Variants in SLC5A4 observed in about 807,000 individuals in gnomAD.
SLC5A4 encodes the protein solute carrier family 5 member 4.
In SLC5A4, 55 loss-of-function variants were observed where a neutral mutation model predicts 70.3. The ratio of observed to expected loss-of-function variants is 0.78; its 90% CI spans 0.63 to 0.98. SLC5A4 has a LOEUF of 0.98. SLC5A4 is among the 50% of genes least tolerant of loss of function. SLC5A4 has a pLI of 0.00. For missense variants in SLC5A4, 735 were observed against 839.2 expected, an observed-to-expected ratio of 0.88 and a Z score of 1.53; for synonymous variants, 268 against 305.7, an observed-to-expected ratio of 0.88 and a Z score of 1.29.
At position 32,232,929 on chromosome 22, in the gene SLC5A4, G is replaced by A. The variant is rs745453911; in HGVS notation, c.991C>T (p.Pro331Ser). The A allele has an allele frequency of 1.9e-6, 3 of 1,614,088 alleles. No homozygotes were observed. Among genetic ancestry groups the A allele is most frequent in the Non-Finnish European group, 1.7e-6 (2 of 1,179,990 alleles). ...TACAGGATGCGGCTGATCATCCCCG[G>A]CATCACCATGAGGAACATGGGCAGC... The part of the protein sequence containing the change: ...KLLPMFLMVM[P>S]GMISRILYTD... The change falls in exon 9 of 15, where the codon CCG becomes TCG. Residue 331 changes from proline (P) to serine (S), a missense_variant. Physicochemically the swap from Pro to Ser is moderately conservative, Grantham distance 74. Coordinates refer to ENST00000266086, the MANE Select transcript of SLC5A4 (RefSeq NM_014227.3).
At chr22:32,293,153 C>G in the SLC5A4 span, among the ~76,000 whole-genome samples, 4 of 152,178 alleles carry the variant, frequency 2.6e-5, no homozygotes, top group East Asian at 7.7e-4. Flanking sequence ...TTTACTTGCA[C>G]TTATTTTCTG....
the SLC5A4 span, among the ~76,000 whole-genome samples, chr22:32,345,076 C>T: frequency 2.6e-5 from 4 of 151,958 alleles, no homozygotes; most frequent in African/African-American, 7.3e-5. Context: ...GACTGATAAC[C>T]ACATTTTCAA....
chr22:32,241,474 G>C (rs946127702), intron 5 of SLC5A4, among the ~76,000 whole-genome samples: 2 of 152,190 alleles, frequency 1.3e-5, no homozygotes, highest in East Asian at 3.9e-4. Flanking sequence ...AATAAGTTCT[G>C]AATTCATAGT....
chr22:32,303,929 G>C, the SLC5A4 span, among the ~76,000 whole-genome samples: 1 of 152,188 alleles, frequency 6.6e-6, no homozygotes. Context: ...GTGAATGAGA[G>C]CTCCTGTTTC....
the SLC5A4 span, among the ~76,000 whole-genome samples, chr22:32,294,694 AGGGTACAT>A: frequency 1.3e-5 from 2 of 149,044 alleles, no homozygotes; most frequent in Admixed American, 1.3e-4. Context: ...TTTAAGTTTT[AGGGTACAT>A]GTGCACATTG....
the SLC5A4 span, among the ~76,000 whole-genome samples, chr22:32,319,783 T>C: frequency 6.6e-6 from 1 of 152,210 alleles, no homozygotes; most frequent in Admixed American, 6.5e-5. Context: ...ATTATCGCTG[T>C]CTAAAAGTCC....
At chr22:32,324,269 A>ATG in the SLC5A4 span, among the ~76,000 whole-genome samples, 20,015 of 148,924 alleles carry the variant, frequency 0.13, 1,553 homozygotes, top group Non-Finnish European at 0.17. Flanking sequence ...ACATATATGT[A>ATG]TATATATATA....
At chr22:32,342,800 G>C in the SLC5A4 span, among the ~76,000 whole-genome samples, 1 of 152,070 alleles carries the variant, frequency 6.6e-6, no homozygotes, top group Non-Finnish European at 1.5e-5. Context: ...GAACAAAATG[G>C]CATATTCAAA....
chr22:32,309,332 G>A, the SLC5A4 span, among the ~76,000 whole-genome samples: 3 of 152,134 alleles, frequency 2.0e-5, no homozygotes, highest in South Asian at 2.1e-4. Context: ...AAGCAGCCTC[G>A]AATGCAGATT....
At chr22:32,293,286 A>C in the SLC5A4 span, among the ~76,000 whole-genome samples, 1 of 152,078 alleles carries the variant, frequency 6.6e-6, no homozygotes, top group South Asian at 2.1e-4. Flanking sequence ...TATTTGATGT[A>C]ATTACTAAAA....
the SLC5A4 span, among the ~76,000 whole-genome samples, chr22:32,310,078 G>A: frequency 7.1e-6 from 1 of 140,994 alleles, no homozygotes; most frequent in Non-Finnish European, 1.6e-5. Flanking sequence ...GGAGGACGGG[G>A]GATGGGGGGG....
At chr22:32,257,444 T>G (rs911473387), upstream of SLC5A4, among the ~76,000 whole-genome samples, 9 of 152,124 alleles carry the variant, frequency 5.9e-5, no homozygotes, top group African/African-American at 2.2e-4. Flanking sequence ...AGCCTCAACC[T>G]CCTGGGCTCA....
the SLC5A4 span, among the ~76,000 whole-genome samples, chr22:32,327,592 C>T: frequency 6.6e-6 from 1 of 152,214 alleles, no homozygotes; most frequent in Non-Finnish European, 1.5e-5. Flanking sequence ...CTCTCCAAGC[C>T]CAGTGCAGAG....
chr22:32,224,199 C>G lies in SLC5A4; in HGVS notation c.1665+68G>C, dbSNP rs987686474. The G allele has an allele frequency of 4.1e-6, 5 of 1,221,958 alleles. No individual in the cohort carries two copies. In the Admixed American group the frequency reaches 5.6e-5, roughly 14 times the overall value. The allele number at this position is 1,221,958 out of a possible 1,614,324, so 75.7% of individuals were successfully genotyped here. A position where few individuals can be genotyped will look rare whatever the true frequency, so the allele number is the denominator to read the frequency against. On this transcript the variant is annotated intron_variant, in intron 13 of 14. Transcript: ENST00000266086. ...CCTCCCAAAGTGCTGGGATTACAGG[C>G]GTGAGCCACTGCGCCCGGCCAAGAA...
chr22:32,247,659 G>A (rs1229108757), intron 4 of SLC5A4, 144 bp from the exon 5 acceptor site: 2 of 651,544 alleles, frequency 3.1e-6, no homozygotes, highest in Non-Finnish European at 2.8e-6. Context: ...CTTACTCATA[G>A]AGGCATCCCT....
At chr22:32,294,127 G>C in the SLC5A4 span, among the ~76,000 whole-genome samples, 1 of 151,830 alleles carries the variant, frequency 6.6e-6, no homozygotes, top group African/African-American at 2.4e-5. Context: ...AAAATTCTTA[G>C]CCTTTTATCT....
the SLC5A4 span, among the ~76,000 whole-genome samples, chr22:32,300,391 C>T: frequency 2.6e-5 from 4 of 152,226 alleles, no homozygotes; most frequent in East Asian, 1.9e-4. Context: ...GTCGGAAAAG[C>T]GCAGTATTCG....
At chr22:32,321,815 T>G in the SLC5A4 span, among the ~76,000 whole-genome samples, 1 of 152,254 alleles carries the variant, frequency 6.6e-6, no homozygotes, top group Non-Finnish European at 1.5e-5. Context: ...TTTTTATGGC[T>G]GCATAGTATT....
the SLC5A4 span, among the ~76,000 whole-genome samples, chr22:32,352,356 A>G: frequency 3.3e-5 from 5 of 151,942 alleles, no homozygotes; most frequent in East Asian, 9.7e-4. Flanking sequence ...AACATGGCAC[A>G]TGGATACATA....
Sources: allele counts gnomAD v4.1 joint callset (sites outside exome capture counted in the v4.1 genomes callset), GRCh38; gene constraint gnomAD v4.1.1; transcripts MANE v1.5; gene names NCBI Gene and HGNC (gene_info 2026-07-23, HGNC 2026-07-21).